TENT4A: variants seen among roughly 807,000 people sequenced by gnomAD.
TENT4A encodes terminal nucleotidyltransferase 4A, also known as DNA polymerase kappa.
In TENT4A, 7 loss-of-function variants were observed where a neutral mutation model predicts 72.8. The observed-to-expected ratio is 0.10, with a 90% confidence interval of 0.05 to 0.18. The LOEUF (loss-of-function observed/expected upper bound fraction) is 0.18, where lower values mean the gene tolerates loss of function less well. Among genes scored for constraint, TENT4A ranks in the 10% least tolerant of loss-of-function variants. The probability of loss-of-function intolerance (pLI) is 1.00; values close to 1 mark genes in which losing one functional copy is unlikely to be tolerated. For missense variants in TENT4A, 831 were observed against 1,017.7 expected (o/e 0.82, Z 2.50); for synonymous variants, 456 against 434.3 (o/e 1.05, Z -0.62).
intron 8 of TENT4A, among the ~76,000 whole-genome samples, chr5:6,749,339 C>T (rs531554118): frequency 7.2e-5 from 11 of 152,324 alleles, no homozygotes; most frequent in African/African-American, 2.2e-4. Context: ...CTGCATTTCA[C>T]AGTGGTCTTC....
intron 6 of TENT4A, among the ~76,000 whole-genome samples, chr5:6,745,498 G>T (rs1323170298): frequency 6.6e-6 from 1 of 152,180 alleles, no homozygotes; most frequent in Admixed American, 6.5e-5. Flanking sequence ...AGTGTGGCTG[G>T]TGAGAGCAAC....
intron 1 of TENT4A, among the ~76,000 whole-genome samples, chr5:6,729,611 C>T (rs1032804767): frequency 1.3e-5 from 2 of 152,258 alleles, no homozygotes; most frequent in Non-Finnish European, 2.9e-5. Flanking sequence ...TGTGGCTGCA[C>T]TGCCAGGCTG....
In TENT4A at chr5:6,751,214, C is replaced by T. The variant is rs1561047120; in HGVS notation, c.2019+17C>T. Reference sequence around the variant, plus strand: ...AACAATCAGGTACGTGGCCCTCTGGCACCCTTCCCGCTGGTGGCCCCTGGG... The same window carrying T: ...AACAATCAGGTACGTGGCCCTCTGGTACCCTTCCCGCTGGTGGCCCCTGGG... On this transcript the variant is annotated intron_variant, in intron 11 of 12. Transcript: ENST00000230859. 2 of 1,613,988 alleles carry T rather than the reference C, an allele frequency of 1.2e-6. No homozygotes were observed. Among genetic ancestry groups the T allele is most frequent in the Non-Finnish European group, 1.7e-6 (2 of 1,179,830 alleles).
chr5:6,730,320 C>T (rs1272597773), intron 1 of TENT4A, among the ~76,000 whole-genome samples: 1 of 152,200 alleles, frequency 6.6e-6, no homozygotes, highest in African/African-American at 2.4e-5. Context: ...AAAAGGCTTA[C>T]ATTTGCTGAG....
At position 6,714,473 on chromosome 5, in the gene TENT4A, A is replaced by G. The variant is rs1000942678; in HGVS notation, c.490A>G (p.Asn164Asp). 20 of 1,180,032 alleles carry G rather than the reference A, an allele frequency of 1.7e-5. No homozygotes were observed. Among genetic ancestry groups the G allele is most frequent in the Admixed American group, 1.4e-4 (3 of 21,746 alleles). 73.1% of individuals were successfully genotyped at this position (1,180,032 alleles called of 1,614,324 possible). The change falls in exon 1 of 13, where the codon AAC (asparagine) becomes GAC (aspartate). Residue 164 changes from asparagine (N) to aspartate (D), a missense_variant. Physicochemically the swap from Asn to Asp is conservative, Grantham distance 23. Around this residue, in one of 3 missense-constraint regions of TENT4A, gnomAD observed 302 missense variants for 293.8 expected, o/e 1.03. Coordinates refer to ENST00000230859, the MANE Select transcript of TENT4A (RefSeq NM_006999.6). ...CGCGCCCAGCGCCCCTGGCACAGCC[A>G]ACGGGCACCCCGGGCCGCGCGGCCC... ...DGAPSAPGTA[N>D]GHPGPRGPAP...
rs1740188606 is a variant in TENT4A, at chr5:6,713,460, G to C, written c.-524G>C. The C allele has an allele frequency of 6.6e-6, 1 of 151,806 alleles. No homozygotes were observed. Among genetic ancestry groups the C allele is most frequent in the African/African-American group, 2.4e-5 (1 of 40,960 alleles). 9.4% of individuals were successfully genotyped at this position (151,806 alleles called of 1,614,324 possible). A position where few individuals can be genotyped will look rare whatever the true frequency, so the allele number is the denominator to read the frequency against. On this transcript the variant is annotated 5_prime_UTR_variant, in exon 1 of 13. Transcript: ENST00000230859. ...CCCCCGCGCTGTCGCCGCCGAGAGTGTCTTTTCACCGCCGCCGCCGCCGCC... is the reference window on the plus strand; with the variant it reads ...CCCCCGCGCTGTCGCCGCCGAGAGTCTCTTTTCACCGCCGCCGCCGCCGCC...
chr5:6,740,624 G>A (rs1288323710), intron 4 of TENT4A, among the ~76,000 whole-genome samples: 7 of 152,172 alleles, frequency 4.6e-5, no homozygotes, highest in African/African-American at 1.7e-4. Flanking sequence ...TTTGATTGAG[G>A]CTGGGGGCAA....
In TENT4A at chr5:6,755,574, G is replaced by A. The variant is rs1053871117; in HGVS notation, c.*629G>A. 6.6e-6 allele frequency: 1 copy of A among 152,568 alleles called. No homozygotes were observed. Among genetic ancestry groups the A allele is most frequent in the African/African-American group, 2.4e-5 (1 of 41,426 alleles). 9.5% of individuals were successfully genotyped at this position (152,568 alleles called of 1,614,324 possible). ...ATTTTCTAAGTTGGGTCATCGTGTC[G>A]GCTGGTTGTCTGACGAGCATCGTTA... On this transcript the variant is annotated 3_prime_UTR_variant, in exon 13 of 13. Coordinates refer to ENST00000230859, the MANE Select transcript of TENT4A (RefSeq NM_006999.6).
intron 1 of TENT4A, among the ~76,000 whole-genome samples, chr5:6,724,099 A>T (rs1740788662): frequency 6.6e-6 from 1 of 152,192 alleles, no homozygotes. Context: ...AAGAGAGAAA[A>T]ATTAAGCATT....
chr5:6,748,430 G>A, intron 7 of TENT4A, 34 bp from the exon 8 acceptor site: 1 of 1,611,400 alleles, frequency 6.2e-7, no homozygotes, highest in Admixed American at 1.7e-5. Flanking sequence ...TGGTGTGCAT[G>A]TGGGGAGGGT....
intron 9 of TENT4A, 65 bp from the exon 10 acceptor site, chr5:6,750,266 G>A (rs1185962655): frequency 3.6e-6 from 5 of 1,402,908 alleles, no homozygotes; most frequent in Non-Finnish European, 4.8e-6. Context: ...CGTGACTGAT[G>A]CTGCCGGGGC....
At chr5:6,746,083 C>T (rs1025455616) in intron 6 of TENT4A, 131 bp from the exon 7 acceptor site, 1 of 1,532,848 alleles carries the variant, frequency 6.5e-7, no homozygotes, top group South Asian at 1.2e-5. Flanking sequence ...CCTCGTGGTG[C>T]TGGTGAGTGA....
chr5:6,720,381 C>T (rs1178479082), intron 1 of TENT4A, among the ~76,000 whole-genome samples: 1 of 152,068 alleles, frequency 6.6e-6, no homozygotes, highest in East Asian at 1.9e-4. Flanking sequence ...TTCTTCTTGT[C>T]CAACACTTTT....
rs190083755 is a variant in TENT4A at position 6,749,284 on chromosome 5, T to C, written c.1587-273T>C. ...GCAGTGGGAAGTGAAATGTCAGCAC[T>C]GTATGATCATCGTGGGTGGGAAGGC... On this transcript the variant is annotated intron_variant, in intron 8 of 12. Transcript: ENST00000230859. Among the ~76,000 whole-genome samples, 9 of 152,316 alleles carry C rather than the reference T, an allele frequency of 5.9e-5. No individual in the cohort carries two copies. The East Asian group carries it at 1.4e-3, about 23-fold the overall frequency.
chr5:6,743,078 C>T (rs747547321), intron 5 of TENT4A, among the ~76,000 whole-genome samples: 1 of 152,170 alleles, frequency 6.6e-6, no homozygotes, highest in Non-Finnish European at 1.5e-5. Context: ...AGAGGCCGTG[C>T]AGTCCTTAGC....
intron 1 of TENT4A, among the ~76,000 whole-genome samples, chr5:6,717,686 C>T (rs994470085): frequency 5.9e-5 from 9 of 152,226 alleles, no homozygotes; most frequent in African/African-American, 2.2e-4. Context: ...GTGTGCTTAG[C>T]GTGAGCTGTG....
chr5:6,750,642 G>T (rs1197637030), intron 10 of TENT4A, 139 bp downstream of exon 10: 1 of 753,706 alleles, frequency 1.3e-6, no homozygotes, highest in African/African-American at 1.8e-5. Flanking sequence ...TGGGTGGGGG[G>T]CAGCCCCGTG....
At position 6,756,494 on chromosome 5, in the gene TENT4A, G is replaced by A. The variant is rs1268444012; in HGVS notation, c.*1549G>A. 6.6e-6 allele frequency: 1 copy of A among 152,294 alleles called. No homozygotes were observed. The highest frequency in any genetic ancestry group is 2.1e-4 in the South Asian group (1 of 4,824). The allele number at this position is 152,294 out of a possible 1,614,324, so 9.4% of individuals were successfully genotyped here. On this transcript the variant is annotated 3_prime_UTR_variant, in exon 13 of 13. Coordinates refer to ENST00000230859, the MANE Select transcript of TENT4A (RefSeq NM_006999.6). ...TCTAGATTGATCTCTGAATGTGATC[G>A]ACGCCCAGCAAGGACAAGCTTTAAA... is the stretch of plus-strand genomic sequence containing the variant.
chr5:6,720,854 A>G (rs2126598826), intron 1 of TENT4A, among the ~76,000 whole-genome samples: 1 of 152,006 alleles, frequency 6.6e-6, no homozygotes, highest in African/African-American at 2.4e-5. Context: ...CTTACCCAAG[A>G]GTCACCTCTG....
Sources: allele counts gnomAD v4.1 joint callset (sites outside exome capture counted in the v4.1 genomes callset), GRCh38; gene constraint gnomAD v4.1.1; regional missense constraint gnomAD v4.1.1; transcripts MANE v1.5; gene names NCBI Gene and HGNC (gene_info 2026-07-23, HGNC 2026-07-21).